The following MYO5B variants were observed in gnomAD, a reference collection of about 807,000 sequenced individuals.
MYO5B encodes unconventional myosin-Vb.
In MYO5B, 143 loss-of-function variants were observed where a neutral mutation model predicts 229.3. The observed-to-expected ratio is 0.62, with a 90% CI of 0.54 to 0.72. The LOEUF (loss-of-function observed/expected upper bound fraction) is 0.72. Among genes scored for constraint, MYO5B ranks in the 30% least tolerant of loss-of-function variants. MYO5B has a pLI of 0.00. For synonymous variants in MYO5B, 918 were observed against 885.2 expected, an observed-to-expected ratio of 1.04 and a Z score of -0.66; for missense variants, 2,321 against 2,331.0, an observed-to-expected ratio of 1.00 and a Z score of 0.09.
intron 1 of MYO5B, among the ~76,000 whole-genome samples, chr18:50,175,357 C>T (rs1398598350): frequency 6.6e-6 from 1 of 152,196 alleles, no homozygotes; most frequent in African/African-American, 2.4e-5. Context: ...TAAAAGACAA[C>T]AGGTGGTCAT....
intron 39 of MYO5B, among the ~76,000 whole-genome samples, chr18:49,834,914 A>T (rs1386403412): frequency 6.6e-6 from 1 of 152,234 alleles, no homozygotes. Context: ...CTGGGATTAC[A>T]GGAGTGAGCC....
chr18:49,939,325 T>C (rs982511526), intron 14 of MYO5B, among the ~76,000 whole-genome samples: 6 of 151,880 alleles, frequency 4.0e-5, no homozygotes, highest in Admixed American at 3.3e-4. Flanking sequence ...TTTGTATTTT[T>C]AGTACAGACA....
chr18:50,063,139 T>C (rs1412129468), intron 1 of MYO5B, among the ~76,000 whole-genome samples: 1 of 152,056 alleles, frequency 6.6e-6, no homozygotes, highest in Non-Finnish European at 1.5e-5. Context: ...CAGAACCATG[T>C]GCGTATAAAG....
intron 17 of MYO5B, among the ~76,000 whole-genome samples, chr18:49,925,903 C>T (rs538881078): frequency 3.3e-5 from 5 of 152,348 alleles, no homozygotes; most frequent in African/African-American, 1.2e-4. Context: ...TGAGCCCCAT[C>T]CCCTCCATCA....
chr18:49,959,677 G>A (rs1319918302), intron 12 of MYO5B, among the ~76,000 whole-genome samples: 8 of 152,178 alleles, frequency 5.3e-5, no homozygotes, highest in East Asian at 3.9e-4. Flanking sequence ...TTGATACAGC[G>A]CCTGGGCTTC....
chr18:49,961,568 A>C (rs1422383783), intron 12 of MYO5B, among the ~76,000 whole-genome samples: 2 of 152,252 alleles, frequency 1.3e-5, no homozygotes, highest in Non-Finnish European at 2.9e-5. Context: ...TGTGGCTTTT[A>C]TACCTGTTGA....
chr18:50,030,876 G>GAAAAAAAAAAAAAAAAAAAAAAAAAA lies in MYO5B; in HGVS notation c.455+5948_455+5973dup, dbSNP rs869189090. Among the ~76,000 whole-genome samples, 16 of 30,500 alleles carry GAAAAAAAAAAAAAAAAAAAAAAAAAA rather than the reference G, an allele frequency of 5.2e-4. 1 individual carries two copies. The highest frequency in any genetic ancestry group is 1.5e-3 in the East Asian group (1 of 686). 20.0% of individuals were successfully genotyped at this position (30,500 alleles called of 152,430 possible). A position where few individuals can be genotyped will look rare whatever the true frequency, so the allele number is the denominator to read the frequency against. ...TCTGCAGCATCCCCACTCCCTTTCA[G>GAAAAAAAAAAAAAAAAAAAAAAAAAA]AAAAAAAAAAAAAAAAAAAAAAAAA... is the stretch of plus-strand genomic sequence containing the variant. On this transcript the variant is annotated intron_variant, in intron 4 of 39. Coordinates refer to ENST00000285039, the MANE Select transcript of MYO5B (RefSeq NM_001080467.3).
chr18:50,172,968 A>C (rs1224242998), intron 1 of MYO5B, among the ~76,000 whole-genome samples: 1 of 152,204 alleles, frequency 6.6e-6, no homozygotes, highest in Non-Finnish European at 1.5e-5. Flanking sequence ...TCAGTGAACA[A>C]AGAAGCCAGT....
chr18:49,999,788 C>T (rs1459882945), intron 5 of MYO5B, among the ~76,000 whole-genome samples: 1 of 152,216 alleles, frequency 6.6e-6, no homozygotes, highest in African/African-American at 2.4e-5. Flanking sequence ...TGGGGGGCCC[C>T]TCCCAGACCC....
chr18:50,004,282 G>T (rs1568066945), intron 4 of MYO5B, among the ~76,000 whole-genome samples: 1 of 152,160 alleles, frequency 6.6e-6, no homozygotes, highest in Non-Finnish European at 1.5e-5. Context: ...GGATGCAAAA[G>T]GCAAATTTTG....
chr18:49,959,763 A>G (rs1260522663), intron 12 of MYO5B, among the ~76,000 whole-genome samples: 1 of 152,104 alleles, frequency 6.6e-6, no homozygotes, highest in Non-Finnish European at 1.5e-5. Flanking sequence ...TGGGAAGAGG[A>G]TATTAGGAAA....
intron 10 of MYO5B, among the ~76,000 whole-genome samples, chr18:49,973,158 A>T (rs926413782): frequency 1.3e-5 from 2 of 152,060 alleles, no homozygotes; most frequent in Non-Finnish European, 2.9e-5. Flanking sequence ...CTCTTATGTC[A>T]CTTAACTCGT....
In MYO5B at chr18:49,880,399, G is replaced by C. The variant is rs188647981; in HGVS notation, c.3102C>G (p.Leu1034=). 7.4e-6 allele frequency: 12 copies of C among 1,614,114 alleles called. No individual in the cohort carries two copies. In the Admixed American group the frequency reaches 1.0e-4, roughly 13 times the overall value. Residue 1034 remains leucine, a synonymous_variant, in exon 23 of 40, where the codon CTC becomes CTG. Transcript: ENST00000285039. ...NALLKDEKEQ[L]NNQILCQSKD... The stretch of plus-strand genomic sequence containing the variant: ...TAGACTGGCACAGGATTTGGTTGTT[G>C]AGCTGTTCTTTCTCATCTTTCAAGA...
chr18:50,012,049 C>G (rs1410305419), intron 4 of MYO5B, among the ~76,000 whole-genome samples: 1 of 152,172 alleles, frequency 6.6e-6, no homozygotes, highest in Admixed American at 6.5e-5. Context: ...TCAACCCTGG[C>G]TGTACATTAA....
At chr18:49,896,712 C>T (rs913625713) in intron 21 of MYO5B, among the ~76,000 whole-genome samples, 1 of 152,166 alleles carries the variant, frequency 6.6e-6, no homozygotes, top group African/African-American at 2.4e-5. Context: ...AAAGATGGCA[C>T]CTCAGGACTC....
chr18:49,965,480 CA>C (rs2025614046), intron 10 of MYO5B, among the ~76,000 whole-genome samples: 1 of 151,670 alleles, frequency 6.6e-6, no homozygotes, highest in African/African-American at 2.4e-5. Context: ...CACACACACA[CA>C]CACCTCTTCT....
intron 12 of MYO5B, among the ~76,000 whole-genome samples, chr18:49,961,172 A>G (rs1461368439): frequency 6.6e-6 from 1 of 152,226 alleles, no homozygotes; most frequent in Non-Finnish European, 1.5e-5. Flanking sequence ...GACTTCAGCC[A>G]TTTAGCCAAT....
chr18:49,964,982 C>T (rs373039624), intron 10 of MYO5B, among the ~76,000 whole-genome samples: 13 of 152,268 alleles, frequency 8.5e-5, no homozygotes, highest in African/African-American at 2.9e-4. Flanking sequence ...AGAGAGATTC[C>T]GAAGGATGTC....
chr18:50,035,115 G>A lies in MYO5B; in HGVS notation c.455+1735C>T, dbSNP rs748530056. Among the ~76,000 whole-genome samples, 7 of 152,268 alleles carry A rather than the reference G, an allele frequency of 4.6e-5. No individual in the cohort carries two copies. The South Asian group carries it at 6.2e-4, about 14-fold the overall frequency. On this transcript the variant is annotated intron_variant, in intron 4 of 39. Coordinates refer to ENST00000285039, the MANE Select transcript of MYO5B (RefSeq NM_001080467.3). ...TAACCATGGACTCAGCTTCAGGCAC[G>A]GCAGAGAAGAACAGAGGAATCTTGT...
Sources: allele counts gnomAD v4.1 joint callset (sites outside exome capture counted in the v4.1 genomes callset), GRCh38; gene constraint gnomAD v4.1.1; transcripts MANE v1.5; gene names NCBI Gene and HGNC (gene_info 2026-07-23, HGNC 2026-07-21).